The following RCAN1 variants were observed in gnomAD, a reference collection of about 807,000 sequenced individuals.
RCAN1 encodes the protein regulator of calcineurin 1.
A neutral mutation model predicts 22.9 loss-of-function variants in RCAN1; 11 were observed. The ratio of observed to expected loss-of-function variants is 0.48; its 90% CI spans 0.30 to 0.79. The LOEUF is 0.79. Among genes scored for constraint, RCAN1 ranks in the 30% least tolerant of loss-of-function variants. The pLI is 0.06. For synonymous variants in RCAN1, 136 were observed against 142.3 expected (o/e 0.96, Z 0.32); for missense variants, 291 against 337.8 (o/e 0.86, Z 1.09).
chr21:34,600,319 T>C (rs2123723742), intron 1 of RCAN1, among the ~76,000 whole-genome samples: 1 of 152,310 alleles, frequency 6.6e-6, no homozygotes, highest in Non-Finnish European at 1.5e-5. Context: ...CCATCACAAG[T>C]TGATTTTGCT....
At chr21:34,526,628 A>C (rs1036074184) in intron 1 of RCAN1, 3 of 1,598,466 alleles carry the variant, frequency 1.9e-6, no homozygotes, top group Non-Finnish European at 8.5e-7. Flanking sequence ...ATGCTTTGAA[A>C]ACTAAAGAAA....
chr21:34,521,720 G>T, intron 2 of RCAN1, 62 bp from the exon 3 acceptor site: 1 of 1,398,664 alleles, frequency 7.1e-7, no homozygotes. Context: ...TGAGGCAACA[G>T]CACCTAACGC....
At position 34,545,609 on chromosome 21, in the gene RCAN1, G is replaced by A. The variant is rs562475859; in HGVS notation, c.253-21899C>T. Reference sequence around the variant, plus strand: ...GTTCCCTGAGCCTGTGACTTCTCCCGCTGTTTCTCAGCAGTTACACTAACG... The same window carrying A: ...GTTCCCTGAGCCTGTGACTTCTCCCACTGTTTCTCAGCAGTTACACTAACG... On this transcript the variant is annotated intron_variant, in intron 1 of 3. Transcript: ENST00000313806. Among the ~76,000 whole-genome samples the A allele has an allele frequency of 7.9e-5, 12 of 152,318 alleles. No individual in the cohort carries two copies. The East Asian group carries it at 2.1e-3, about 27-fold the overall frequency.
Position 34,517,682 on chromosome 21 carries a change from TC to T in RCAN1, c.*401del. On this transcript the variant is annotated 3_prime_UTR_variant, in exon 4 of 4. Transcript: ENST00000313806. ...CTAGGCGGCTTCCTGTGGTACCTCT[TC>T]CTACCAGTAGAGAGTGGCCCCTGCA... 1 of 173,364 alleles carries T rather than the reference TC, an allele frequency of 5.8e-6. No homozygotes were observed. The highest frequency in any genetic ancestry group is 1.2e-5 in the Non-Finnish European group (1 of 81,734). The allele number at this position is 173,364 out of a possible 1,614,324, so 10.7% of individuals were successfully genotyped here.
Position 34,518,397 on chromosome 21 carries a change from T to C in RCAN1, c.587-141A>G, listed in dbSNP as rs1392187693. 1.1e-6 allele frequency: 1 copy of C among 877,204 alleles called. No homozygotes were observed. Among genetic ancestry groups the C allele is most frequent in the Non-Finnish European group, 1.7e-6 (1 of 588,640 alleles). 54.3% of individuals were successfully genotyped at this position (877,204 alleles called of 1,614,324 possible). ...GCTGAGAGACACAGCCAGACATATT[T>C]TGGGTTTGTATTTCTTTGCTAGCTC... On this transcript the variant is annotated intron_variant, in intron 3 of 3. Transcript: ENST00000313806. The surrounding 1 kb of genome is among the most constrained non-coding windows in gnomAD (Gnocchi z 4.2).
rs113727419 is a variant in RCAN1 at position 34,571,225 on chromosome 21, G to A, written c.252+43535C>T. ...GGAGAATCACTTGAACCCGGGAGGC[G>A]GAGGTTGTGGTGAGCCGAGATCGTA... On this transcript the variant is annotated intron_variant, in intron 1 of 3. Coordinates refer to ENST00000313806, the MANE Select transcript of RCAN1 (RefSeq NM_004414.7). Among the ~76,000 whole-genome samples the A allele has an allele frequency of 5.4e-3, 820 of 152,232 alleles. 6 individuals carry two copies. Among genetic ancestry groups the A allele is most frequent in the African/African-American group, 0.019 (781 of 41,524 alleles).
At chr21:34,521,194 C>A (rs1395654727) in intron 3 of RCAN1, 1 of 1,372,120 alleles carries the variant, frequency 7.3e-7, no homozygotes, top group Non-Finnish European at 9.4e-7. Flanking sequence ...GGCCGGGGCT[C>A]AGGCCTCCCA....
intron 1 of RCAN1, among the ~76,000 whole-genome samples, chr21:34,597,659 C>T (rs543351686): frequency 1.8e-4 from 27 of 152,258 alleles, no homozygotes; most frequent in African/African-American, 5.1e-4. Context: ...GAAAGACTAG[C>T]GTGTTTCCAT....
At chr21:34,519,567 T>G (rs1442254356) in intron 3 of RCAN1, among the ~76,000 whole-genome samples, 3 of 151,858 alleles carry the variant, frequency 2.0e-5, no homozygotes, top group Admixed American at 2.0e-4. Context: ...CTCAGCTAAT[T>G]TTTGTATTTT....
chr21:34,563,754 C>CAAAAAAAAA (rs58299654), intron 1 of RCAN1, among the ~76,000 whole-genome samples: 1 of 44,314 alleles, frequency 2.3e-5, no homozygotes, highest in Non-Finnish European at 3.9e-5. Flanking sequence ...CTAAAAATAC[C>CAAAAAAAAA]AAAAAAAAAA....
Position 34,614,277 on chromosome 21 carries a change from C to T in RCAN1, c.252+483G>A, listed in dbSNP as rs1988758193. The T allele has an allele frequency of 4.0e-6, 4 of 993,358 alleles. No individual in the cohort carries two copies. The highest frequency in any genetic ancestry group is 4.8e-6 in the Non-Finnish European group (4 of 835,542). 61.5% of individuals were successfully genotyped at this position (993,358 alleles called of 1,614,324 possible). A position where few individuals can be genotyped will look rare whatever the true frequency, so the allele number is the denominator to read the frequency against. On this transcript the variant is annotated intron_variant, in intron 1 of 3. Coordinates refer to ENST00000313806, the MANE Select transcript of RCAN1 (RefSeq NM_004414.7). The surrounding 1 kb of genome is among the most constrained non-coding windows in gnomAD (Gnocchi z 6.0). ...GCTAATGAGCAACCACGGATCCTCA[C>T]CCAAACATTGGCTTTTCTTCCAATA...
At chr21:34,613,741 T>C in intron 1 of RCAN1, 2 of 1,472,380 alleles carry the variant, frequency 1.4e-6, no homozygotes, top group South Asian at 1.3e-5. Context: ...TGTAATTCCT[T>C]TCAGAAAGTA....
intron 1 of RCAN1, among the ~76,000 whole-genome samples, chr21:34,556,582 T>A (rs1442730117): frequency 2.0e-5 from 3 of 152,192 alleles, no homozygotes; most frequent in Non-Finnish European, 4.4e-5. Context: ...TTTAATGATT[T>A]TTCAAGTGAG....
At chr21:34,578,485 C>T (rs899365614) in intron 1 of RCAN1, among the ~76,000 whole-genome samples, 4 of 152,194 alleles carry the variant, frequency 2.6e-5, no homozygotes, top group Admixed American at 6.5e-5. Context: ...TCCACTGGGC[C>T]TGGTCATCTG....
chr21:34,595,666 C>A (rs1988124098), intron 1 of RCAN1, among the ~76,000 whole-genome samples: 1 of 152,226 alleles, frequency 6.6e-6, no homozygotes, highest in African/African-American at 2.4e-5. Flanking sequence ...CTTGTCCCAC[C>A]TGAGGAGCTG....
intron 1 of RCAN1, among the ~76,000 whole-genome samples, chr21:34,553,976 C>T (rs1986463397): frequency 6.6e-6 from 1 of 152,184 alleles, no homozygotes; most frequent in African/African-American, 2.4e-5. Flanking sequence ...CGATTTTTTA[C>T]ATTATTACCT....
intron 1 of RCAN1, among the ~76,000 whole-genome samples, chr21:34,552,228 G>A (rs1467019701): frequency 6.6e-6 from 1 of 152,170 alleles, no homozygotes; most frequent in Non-Finnish European, 1.5e-5. Context: ...TAGTGTCCAA[G>A]AACAGTGGCA....
intron 1 of RCAN1, among the ~76,000 whole-genome samples, chr21:34,585,742 C>CAAAAAAAAA (rs59014706): frequency 6.5e-5 from 3 of 45,968 alleles, no homozygotes; most frequent in South Asian, 1.0e-3. Flanking sequence ...GACTCCATCT[C>CAAAAAAAAA]AAAAAAAAAA....
In RCAN1 at chr21:34,607,960, A is replaced by G. The variant is rs116915900; in HGVS notation, c.252+6800T>C. On this transcript the variant is annotated intron_variant, in intron 1 of 3. Transcript: ENST00000313806. ...AGCGGCAGCAGAGTCCCATAGGAGCATGAACCCTATTGTGAACTGTGCATG... is the reference window on the plus strand; with the variant it reads ...AGCGGCAGCAGAGTCCCATAGGAGCGTGAACCCTATTGTGAACTGTGCATG... 4.8e-3 allele frequency among the ~76,000 whole-genome samples: 729 copies of G among 152,274 alleles called. 24 individuals carry two copies. The East Asian group carries it at 0.078, about 16-fold the overall frequency.
Sources: gnomAD v4.1 joint callset for allele counts (sites outside exome capture counted in the v4.1 genomes callset) on GRCh38, gnomAD v4.1.1 for gene constraint, Gnocchi (gnomAD v3.1) non-coding constraint, MANE v1.5 for transcripts, NCBI Gene and HGNC (gene_info 2026-07-23, HGNC 2026-07-21) for gene names.